The following NR3C2 variants were observed in gnomAD, a reference collection of about 807,000 sequenced individuals.
NR3C2 encodes nuclear receptor subfamily 3 group C member 2.
In NR3C2, 15 loss-of-function variants were observed where a neutral mutation model predicts 86.4. That is an observed-to-expected ratio of 0.17 (90% CI 0.12 to 0.27). The LOEUF (loss-of-function observed/expected upper bound fraction) is 0.27, where lower values mean the gene tolerates loss of function less well. Ranked by LOEUF, NR3C2 falls within the 10% of genes least tolerant of loss-of-function variation. The probability of loss-of-function intolerance (pLI) is 1.00; values close to 1 mark genes in which losing one functional copy is unlikely to be tolerated. For missense variants in NR3C2, 960 were observed against 1,195.6 expected (o/e 0.80, Z 2.91); for synonymous variants, 458 against 450.5 (o/e 1.02, Z -0.21).
chr4:148,413,534 T>A (rs1048469565), intron 2 of NR3C2, among the ~76,000 whole-genome samples: 22 of 151,940 alleles, frequency 1.4e-4, no homozygotes, highest in African/African-American at 5.3e-4. Context: ...AAGAACATTA[T>A]AACAAAGTTA....
intron 8 of NR3C2, among the ~76,000 whole-genome samples, chr4:148,110,655 C>T (rs1425566592): frequency 6.6e-6 from 1 of 152,144 alleles, no homozygotes; most frequent in Non-Finnish European, 1.5e-5. Flanking sequence ...ATAGAGTATT[C>T]AAGATGCTTC....
chr4:148,090,408 C>T (rs918301003), intron 8 of NR3C2, among the ~76,000 whole-genome samples: 1 of 152,146 alleles, frequency 6.6e-6, no homozygotes, highest in Non-Finnish European at 1.5e-5. Context: ...GCCAGCCTAC[C>T]GACTGACATC....
intron 7 of NR3C2, among the ~76,000 whole-genome samples, chr4:148,117,328 C>T (rs888651863): frequency 9.2e-5 from 14 of 152,200 alleles, no homozygotes; most frequent in African/African-American, 2.7e-4. Context: ...CCAGGACTGC[C>T]GGTTTGCCCC....
chr4:148,444,263 C>T, upstream of NR3C2: 2 of 985,348 alleles, frequency 2.0e-6, no homozygotes, highest in South Asian at 4.7e-5. Context: ...TTGAGGAGGG[C>T]CGGTCTTGCC....
At chr4:148,333,572 A>C (rs1744336566) in intron 2 of NR3C2, among the ~76,000 whole-genome samples, 1 of 151,396 alleles carries the variant, frequency 6.6e-6, no homozygotes, top group African/African-American at 2.4e-5. Context: ...GAAAAGTTGG[A>C]AGGACCACGA....
At position 148,182,926 on chromosome 4, in the gene NR3C2, C is replaced by T. The variant is rs184059129; in HGVS notation, c.2014+11820G>A. Among the ~76,000 whole-genome samples the T allele has an allele frequency of 2.0e-5, 3 of 152,294 alleles. No individual in the cohort carries two copies. The East Asian group carries it at 5.8e-4, about 29-fold the overall frequency. On this transcript the variant is annotated intron_variant, in intron 4 of 8. Coordinates refer to ENST00000358102, the MANE Select transcript of NR3C2 (RefSeq NM_000901.5). ...TGTTGGTTTGCTGCACCCATCAACT[C>T]GTCATATACATTAGGTATTTCTCCT...
intron 8 of NR3C2, among the ~76,000 whole-genome samples, chr4:148,103,291 T>G (rs1274320821): frequency 6.6e-6 from 1 of 152,174 alleles, no homozygotes; most frequent in African/African-American, 2.4e-5. Flanking sequence ...GGTGTCTATA[T>G]TCCCCATCAG....
intron 2 of NR3C2, among the ~76,000 whole-genome samples, chr4:148,392,519 T>C (rs868829673): frequency 6.6e-6 from 1 of 152,280 alleles, no homozygotes; most frequent in South Asian, 2.1e-4. Context: ...GTACCTTTCT[T>C]CCACGGCACT....
intron 2 of NR3C2, among the ~76,000 whole-genome samples, chr4:148,336,535 A>G (rs776037887): frequency 1.2e-4 from 19 of 152,160 alleles, no homozygotes; most frequent in Non-Finnish European, 2.2e-4. Context: ...TGGCGAGAGC[A>G]TAATTGGGGG....
At chr4:148,264,118 A>T (rs1449044796) in intron 2 of NR3C2, among the ~76,000 whole-genome samples, 1 of 152,198 alleles carries the variant, frequency 6.6e-6, no homozygotes, top group African/African-American at 2.4e-5. Context: ...CATATGGTTC[A>T]TTTAGCTTTG....
chr4:148,402,470 T>C (rs1748217620), intron 2 of NR3C2, among the ~76,000 whole-genome samples: 1 of 152,220 alleles, frequency 6.6e-6, no homozygotes, highest in Non-Finnish European at 1.5e-5. Flanking sequence ...AGGTTTACTG[T>C]AAGACATAAT....
chr4:148,391,224 G>A (rs1488249891), intron 2 of NR3C2, among the ~76,000 whole-genome samples: 2 of 152,120 alleles, frequency 1.3e-5, no homozygotes, highest in African/African-American at 4.8e-5. Flanking sequence ...CTGTTTCACA[G>A]AACCATGACA....
chr4:148,430,419 AATTTTTTT>A, intron 2 of NR3C2, among the ~76,000 whole-genome samples: 1 of 152,212 alleles, frequency 6.6e-6, no homozygotes, highest in South Asian at 2.1e-4. Flanking sequence ...TAAAACACTT[AATTTTTTT>A]ATTATCACCA....
chr4:148,444,915 G>T, upstream of NR3C2: 1 of 984,946 alleles, frequency 1.0e-6, no homozygotes, highest in Admixed American at 6.2e-5. Flanking sequence ...CACTCTCCGC[G>T]CCCCCTCCCC....
intron 2 of NR3C2, among the ~76,000 whole-genome samples, chr4:148,383,135 C>T (rs944704351): frequency 6.6e-6 from 1 of 152,080 alleles, no homozygotes; most frequent in African/African-American, 2.4e-5. Flanking sequence ...TAATTTGTGA[C>T]ATGTAGAATA....
At chr4:148,192,596 C>T (rs1736248004) in intron 4 of NR3C2, among the ~76,000 whole-genome samples, 2 of 150,078 alleles carry the variant, frequency 1.3e-5, no homozygotes, top group Admixed American at 6.6e-5. Flanking sequence ...GAAGGACCAT[C>T]AGGTGGGGGT....
chr4:148,390,242 T>A (rs1747475683), intron 2 of NR3C2, among the ~76,000 whole-genome samples: 1 of 143,800 alleles, frequency 7.0e-6, no homozygotes, highest in African/African-American at 2.5e-5. Flanking sequence ...ATACATTCCT[T>A]AAAAAAAAAA....
intron 3 of NR3C2, among the ~76,000 whole-genome samples, chr4:148,204,586 C>T (rs1163417663): frequency 6.6e-6 from 1 of 152,146 alleles, no homozygotes; most frequent in African/African-American, 2.4e-5. Context: ...ATACTTACAG[C>T]ACTTTCATTA....
chr4:148,225,449 A>G (rs1241191506), intron 3 of NR3C2, among the ~76,000 whole-genome samples: 2 of 152,078 alleles, frequency 1.3e-5, no homozygotes, highest in Non-Finnish European at 2.9e-5. Context: ...AAAAACATAA[A>G]TTCCCTCATC....
Sources: gnomAD v4.1 joint callset for allele counts (sites outside exome capture counted in the v4.1 genomes callset) on GRCh38, gnomAD v4.1.1 for gene constraint, MANE v1.5 for transcripts, NCBI Gene and HGNC (gene_info 2026-07-23, HGNC 2026-07-21) for gene names.